Variants in HIBCH observed in about 807,000 individuals in gnomAD.
HIBCH encodes 3-hydroxyisobutyryl-CoA hydrolase.
In HIBCH, 50 loss-of-function variants were observed where a neutral mutation model predicts 58.2. That is an observed-to-expected ratio of 0.86 (90% confidence interval 0.68 to 1.09). The LOEUF is 1.09. Ranked by LOEUF, HIBCH falls within the 50% of genes least tolerant of loss-of-function variation. The pLI, the probability that HIBCH is intolerant of heterozygous loss-of-function variation, is 0.00. For missense variants in HIBCH, 450 were observed against 449.7 expected (o/e 1.00, Z -0.01); for synonymous variants, 151 against 146.9 (o/e 1.03, Z -0.20).
rs192352128 is a variant in HIBCH at position 190,263,820 on chromosome 2, A to G, written c.439-2586T>C. ...TCCTTTCTACCCCACAATGTAATCT[A>G]TGAACTATCCTGAGAGCTCTAACTT... On this transcript the variant is annotated intron_variant, in intron 6 of 13. Transcript: ENST00000359678. Among the ~76,000 whole-genome samples the G allele has an allele frequency of 8.3e-4, 126 of 152,288 alleles. 2 individuals carry two copies. Among genetic ancestry groups the G allele is most frequent in the South Asian group, 1.9e-3 (9 of 4,828 alleles).
intron 6 of HIBCH, among the ~76,000 whole-genome samples, chr2:190,270,662 T>C (rs2105963657): frequency 6.6e-6 from 1 of 152,344 alleles, no homozygotes; most frequent in South Asian, 2.1e-4. Flanking sequence ...TGTTAGAAAT[T>C]CAAGTAGATT....
At chr2:190,242,114 G>A (rs910954869) in intron 11 of HIBCH, among the ~76,000 whole-genome samples, 1 of 151,786 alleles carries the variant, frequency 6.6e-6, no homozygotes, top group African/African-American at 2.4e-5. Context: ...TCCTAGGTTT[G>A]GTCTTTTCAC....
In HIBCH at chr2:190,315,252, G is replaced by T. The variant is rs1449277700; in HGVS notation, c.36-4456C>A. On this transcript the variant is annotated intron_variant, in intron 1 of 13. Transcript: ENST00000359678. This position sits in a 1 kb window ranked among gnomAD's most constrained non-coding sequence, Gnocchi z 5.4. ...AGGCATGAGCCACTGTGCCCGGCCTGCTACTTCTAATTTCTTAATTAACTT... is the reference window on the plus strand; with the variant it reads ...AGGCATGAGCCACTGTGCCCGGCCTTCTACTTCTAATTTCTTAATTAACTT... Among the ~76,000 whole-genome samples the T allele has an allele frequency of 6.6e-6, 1 of 152,076 alleles. No homozygotes were observed. The highest frequency in any genetic ancestry group is 1.5e-5 in the Non-Finnish European group (1 of 67,990).
At chr2:190,227,352 A>ATTTATTAAATTT (rs1290840527) in intron 11 of HIBCH, among the ~76,000 whole-genome samples, 4 of 152,232 alleles carry the variant, frequency 2.6e-5, no homozygotes, top group African/African-American at 9.6e-5. Context: ...GGTGCTGGGA[A>ATTTATTAAATTT]AACTGGCTAG....
chr2:190,255,430 T>A (rs927324375), intron 7 of HIBCH, among the ~76,000 whole-genome samples: 1 of 152,188 alleles, frequency 6.6e-6, no homozygotes, highest in Non-Finnish European at 1.5e-5. Flanking sequence ...TCTGAGAGCA[T>A]CTTTAATCAT....
chr2:190,238,131 T>C (rs1342933610), intron 11 of HIBCH, among the ~76,000 whole-genome samples: 1 of 152,218 alleles, frequency 6.6e-6, no homozygotes, highest in African/African-American at 2.4e-5. Context: ...GCAATAAACA[T>C]ACATGTGCGT....
intron 6 of HIBCH, among the ~76,000 whole-genome samples, chr2:190,269,724 A>G (rs914930436): frequency 6.6e-6 from 1 of 152,230 alleles, no homozygotes; most frequent in African/African-American, 2.4e-5. Context: ...ATTACTGGGT[A>G]TATACCCAAA....
At chr2:190,200,308 A>G, downstream of HIBCH, 1 of 650,974 alleles carries the variant, frequency 1.5e-6, no homozygotes, top group Non-Finnish European at 2.7e-6. Flanking sequence ...AATGCATTTT[A>G]AGTACTTCTA....
intron 11 of HIBCH, among the ~76,000 whole-genome samples, chr2:190,224,396 T>A (rs1199752510): frequency 6.6e-6 from 1 of 152,052 alleles, no homozygotes; most frequent in Non-Finnish European, 1.5e-5. Flanking sequence ...ACCCATCTCA[T>A]GTGCAGAGAC....
chr2:190,235,189 C>G (rs1165958746), intron 11 of HIBCH, among the ~76,000 whole-genome samples: 1 of 152,178 alleles, frequency 6.6e-6, no homozygotes, highest in Non-Finnish European at 1.5e-5. Flanking sequence ...TATTGGGTAA[C>G]AAGAGCAAGG....
chr2:190,266,965 T>G (rs291422), intron 6 of HIBCH, among the ~76,000 whole-genome samples: 1 of 150,694 alleles, frequency 6.6e-6, no homozygotes, highest in East Asian at 2.0e-4. Context: ...CCACGTTGGC[T>G]AGGCTGGTCT....
chr2:190,203,175 C>A (rs72915415), downstream of HIBCH: 1 of 166,904 alleles, frequency 6.0e-6, no homozygotes, highest in East Asian at 1.9e-4. Flanking sequence ...TTTTAGAAAT[C>A]GAAAGTTAGA....
intron 7 of HIBCH, among the ~76,000 whole-genome samples, chr2:190,253,148 C>T (rs1304394366): frequency 6.6e-6 from 1 of 152,102 alleles, no homozygotes; most frequent in African/African-American, 2.4e-5. Flanking sequence ...AATGCCACTG[C>T]ACTGCAGCCT....
At chr2:190,232,863 C>T (rs1686148398) in intron 11 of HIBCH, among the ~76,000 whole-genome samples, 2 of 152,008 alleles carry the variant, frequency 1.3e-5, no homozygotes, top group South Asian at 4.2e-4. Context: ...GAGGCTGAGG[C>T]AGGAGAATGG....
rs1012314842 is a variant in HIBCH, at chr2:190,281,520, C to G, written c.438+6066G>C. 2.6e-5 allele frequency among the ~76,000 whole-genome samples: 4 copies of G among 152,158 alleles called. No individual in the cohort carries two copies. Among genetic ancestry groups the G allele is most frequent in the African/African-American group, 9.7e-5 (4 of 41,420 alleles). On this transcript the variant is annotated intron_variant, in intron 6 of 13. Transcript: ENST00000359678. This position sits in a 1 kb window ranked among gnomAD's most constrained non-coding sequence, Gnocchi z 5.4. ...GGGCCTGTGATGAGAAAGGGAGGCT[C>G]AAAGGTCTCGGAAATGCCTTGAGGG...
chr2:190,315,529 G>C lies in HIBCH; in HGVS notation c.35+4187C>G, dbSNP rs1330416984. ...TCTTAGATGAGAACTTTATCACTCA[G>C]GAACTTTTTGCAATTATCCAATAAA... On this transcript the variant is annotated intron_variant, in intron 1 of 13. Transcript: ENST00000359678. The surrounding 1 kb of genome is among the most constrained non-coding windows in gnomAD (Gnocchi z 5.4). Among the ~76,000 whole-genome samples the C allele has an allele frequency of 6.6e-6, 1 of 152,172 alleles. No homozygotes were observed. Among genetic ancestry groups the C allele is most frequent in the Non-Finnish European group, 1.5e-5 (1 of 68,036 alleles).
At chr2:190,298,626 T>G (rs763003638) in intron 2 of HIBCH, among the ~76,000 whole-genome samples, 1 of 152,108 alleles carries the variant, frequency 6.6e-6, no homozygotes, top group Non-Finnish European at 1.5e-5. Flanking sequence ...TCCTTGGAGA[T>G]TCTAGATATT....
intron 11 of HIBCH, among the ~76,000 whole-genome samples, chr2:190,244,100 A>G (rs1435994596): frequency 6.6e-6 from 1 of 152,188 alleles, no homozygotes; most frequent in African/African-American, 2.4e-5. Context: ...CTATAAATAG[A>G]AAACATTATG....
At chr2:190,205,957 A>G (rs1190964523) in intron 13 of HIBCH, among the ~76,000 whole-genome samples, 2 of 152,220 alleles carry the variant, frequency 1.3e-5, no homozygotes, top group Non-Finnish European at 2.9e-5. Context: ...CAAGATCTCT[A>G]TATTATTTCT....
Sources: allele counts gnomAD v4.1 joint callset (sites outside exome capture counted in the v4.1 genomes callset), GRCh38; gene constraint gnomAD v4.1.1; non-coding constraint Gnocchi (gnomAD v3.1); transcripts MANE v1.5; gene names NCBI Gene and HGNC (gene_info 2026-07-23, HGNC 2026-07-21).